Variants in SPATA16 observed in about 807,000 individuals in gnomAD.
The protein encoded by SPATA16 is spermatogenesis associated 16, also known as spermatogenesis-associated protein 16.
SPATA16 carries 36 observed loss-of-function variants against 63.3 expected under a neutral mutation model. The ratio of observed to expected loss-of-function variants is 0.57; its 90% CI spans 0.44 to 0.75. SPATA16 has a LOEUF of 0.75. Among genes scored for constraint, SPATA16 ranks in the 30% least tolerant of loss-of-function variants. The pLI, the probability that SPATA16 is intolerant of heterozygous loss-of-function variation, is 0.00. For missense variants in SPATA16, 646 were observed against 679.3 expected (o/e 0.95, Z 0.54); for synonymous variants, 203 against 216.7 (o/e 0.94, Z 0.56).
intron 3 of SPATA16, among the ~76,000 whole-genome samples, chr3:173,038,900 T>C (rs1372634734): frequency 6.6e-6 from 1 of 152,146 alleles, no homozygotes; most frequent in Non-Finnish European, 1.5e-5. Context: ...GAAGATATTG[T>C]CATGATCTTA....
At chr3:172,951,667 C>T (rs934146852) in intron 6 of SPATA16, among the ~76,000 whole-genome samples, 1 of 152,150 alleles carries the variant, frequency 6.6e-6, no homozygotes, top group Admixed American at 6.5e-5. Flanking sequence ...ACTCTCCCTG[C>T]TCATCACCAG....
At chr3:173,044,099 C>T (rs1041974074) in intron 3 of SPATA16, among the ~76,000 whole-genome samples, 1 of 152,080 alleles carries the variant, frequency 6.6e-6, no homozygotes, top group Non-Finnish European at 1.5e-5. Context: ...ATCAGCCTCT[C>T]CTGCTGAGGC....
chr3:172,939,587 T>C (rs1398830663), intron 6 of SPATA16, among the ~76,000 whole-genome samples: 1 of 152,140 alleles, frequency 6.6e-6, no homozygotes, highest in African/African-American at 2.4e-5. Flanking sequence ...GTAGCAAAAT[T>C]TGTTGGTGAA....
chr3:173,109,372 A>C (rs955288418), intron 2 of SPATA16, among the ~76,000 whole-genome samples: 2 of 152,176 alleles, frequency 1.3e-5, no homozygotes, highest in African/African-American at 4.8e-5. Flanking sequence ...GAGTCAGATG[A>C]GTCAGACGGT....
intron 2 of SPATA16, among the ~76,000 whole-genome samples, chr3:173,110,983 G>T (rs1405042973): frequency 6.6e-6 from 1 of 152,162 alleles, no homozygotes; most frequent in Non-Finnish European, 1.5e-5. Flanking sequence ...ATCTGAATCT[G>T]CATTTTTAAC....
intron 5 of SPATA16, among the ~76,000 whole-genome samples, chr3:172,957,915 T>C (rs1370458551): frequency 6.6e-6 from 1 of 152,212 alleles, no homozygotes; most frequent in African/African-American, 2.4e-5. Flanking sequence ...AATGCCTCTA[T>C]GATCATCTAC....
intron 4 of SPATA16, among the ~76,000 whole-genome samples, chr3:172,977,611 C>T (rs1438636829): frequency 6.6e-6 from 1 of 152,070 alleles, no homozygotes; most frequent in Admixed American, 6.5e-5. Flanking sequence ...AGTGTGTAGA[C>T]TTTCTGCATT....
intron 9 of SPATA16, among the ~76,000 whole-genome samples, chr3:172,916,030 C>A (rs772360887): frequency 2.0e-5 from 3 of 152,094 alleles, no homozygotes; most frequent in Non-Finnish European, 4.4e-5. Flanking sequence ...TACCAAAAAC[C>A]AGAAGCCTGA....
intron 2 of SPATA16, among the ~76,000 whole-genome samples, chr3:173,056,620 C>T (rs982176769): frequency 6.8e-6 from 1 of 146,282 alleles, no homozygotes; most frequent in African/African-American, 2.6e-5. Context: ...AGAAGAATCT[C>T]TTGAACCCAG....
intron 3 of SPATA16, among the ~76,000 whole-genome samples, chr3:173,030,138 C>G (rs556628569): frequency 6.6e-6 from 1 of 151,026 alleles, no homozygotes; most frequent in African/African-American, 2.4e-5. Flanking sequence ...ATATTCTGTC[C>G]TAGGAAGGGA....
At chr3:172,913,772 T>G (rs757192804) in intron 9 of SPATA16, 28 bp from the exon 10 acceptor site, 1 of 1,595,638 alleles carries the variant, frequency 6.3e-7, no homozygotes, top group East Asian at 2.2e-5. Flanking sequence ...AAATTATCAG[T>G]GTGGAATTCA....
intron 2 of SPATA16, among the ~76,000 whole-genome samples, chr3:173,106,188 A>T (rs1737618607): frequency 6.6e-6 from 1 of 152,180 alleles, no homozygotes; most frequent in South Asian, 2.1e-4. Context: ...TGCCTGCTGC[A>T]TAAAATCTCA....
At chr3:173,067,821 T>C (rs1736560501) in intron 2 of SPATA16, among the ~76,000 whole-genome samples, 1 of 151,672 alleles carries the variant, frequency 6.6e-6, no homozygotes, top group Admixed American at 6.6e-5. Flanking sequence ...GTAATCAAAC[T>C]CTCAAAGCTC....
chr3:173,103,935 G>T (rs984609456), intron 2 of SPATA16, among the ~76,000 whole-genome samples: 1 of 152,088 alleles, frequency 6.6e-6, no homozygotes, highest in Non-Finnish European at 1.5e-5. Flanking sequence ...TCATTTATCT[G>T]CTCCTGCATC....
At chr3:173,071,831 T>A (rs1211352933) in intron 2 of SPATA16, among the ~76,000 whole-genome samples, 1 of 152,142 alleles carries the variant, frequency 6.6e-6, no homozygotes, top group Non-Finnish European at 1.5e-5. Context: ...ACGTCACTAA[T>A]CATCAAAGAA....
chr3:173,055,477 T>G (rs1736199955), intron 2 of SPATA16, among the ~76,000 whole-genome samples: 1 of 152,216 alleles, frequency 6.6e-6, no homozygotes, highest in African/African-American at 2.4e-5. Context: ...ATGCAGTGAC[T>G]TGAATGAATC....
At chr3:172,980,534 C>T (rs1463969306) in intron 4 of SPATA16, among the ~76,000 whole-genome samples, 1 of 152,166 alleles carries the variant, frequency 6.6e-6, no homozygotes, top group East Asian at 1.9e-4. Context: ...GGCGGCTTAA[C>T]ATCTGCTAAT....
chr3:173,097,305 G>T (rs550347349), intron 2 of SPATA16, among the ~76,000 whole-genome samples: 14 of 152,076 alleles, frequency 9.2e-5, no homozygotes, highest in Non-Finnish European at 1.9e-4. Flanking sequence ...GAGTAGTGAT[G>T]CTTGCAATTC....
intron 4 of SPATA16, among the ~76,000 whole-genome samples, chr3:173,013,378 GA>G: frequency 6.6e-6 from 1 of 152,298 alleles, no homozygotes; most frequent in Non-Finnish European, 1.5e-5. Flanking sequence ...AAGTGTTGCA[GA>G]ATCAGGAGGA....
Sources: allele counts gnomAD v4.1 joint callset (sites outside exome capture counted in the v4.1 genomes callset), GRCh38; gene constraint gnomAD v4.1.1; transcripts MANE v1.5; gene names NCBI Gene and HGNC (gene_info 2026-07-23, HGNC 2026-07-21).